HDAC9: variants seen among roughly 807,000 people sequenced by gnomAD.
The protein encoded by HDAC9 is histone deacetylase 9.
In HDAC9, 41 loss-of-function variants were observed where a neutral mutation model predicts 139.4. That is an observed-to-expected ratio of 0.29 (90% CI 0.23 to 0.38). The LOEUF (loss-of-function observed/expected upper bound fraction) is 0.38, where lower values mean the gene tolerates loss of function less well. Ranked by LOEUF, HDAC9 falls within the 10% of genes least tolerant of loss-of-function variation. The pLI is 1.00. For synonymous variants in HDAC9, 517 were observed against 476.2 expected, an observed-to-expected ratio of 1.09 and a Z score of -1.12; for missense variants, 1,147 against 1,297.0, an observed-to-expected ratio of 0.88 and a Z score of 1.78.
At chr7:18,451,659 T>G (rs1792880190) in intron 1 of HDAC9, among the ~76,000 whole-genome samples, 1 of 151,900 alleles carries the variant, frequency 6.6e-6, no homozygotes, top group African/African-American at 2.4e-5. Flanking sequence ...ATGTGGATAT[T>G]ATTTGTATCC....
At chr7:18,374,994 T>C (rs1485739167) in intron 1 of HDAC9, among the ~76,000 whole-genome samples, 1 of 151,980 alleles carries the variant, frequency 6.6e-6, no homozygotes, top group African/African-American at 2.4e-5. Context: ...CATATAGTTA[T>C]GTACAACACA....
chr7:18,623,613 A>T (rs1344925371), intron 6 of HDAC9, among the ~76,000 whole-genome samples: 1 of 152,106 alleles, frequency 6.6e-6, no homozygotes, highest in Non-Finnish European at 1.5e-5. Context: ...ACAGAGATGA[A>T]ATCACTCATT....
At chr7:18,995,218 T>C (rs1786363979) in intron 25 of HDAC9, among the ~76,000 whole-genome samples, 4 of 149,582 alleles carry the variant, frequency 2.7e-5, no homozygotes, top group Admixed American at 2.7e-4. Flanking sequence ...ATGGCAGAGC[T>C]CAGACGCAAA....
intron 2 of HDAC9, among the ~76,000 whole-genome samples, chr7:18,556,518 C>G (rs767762838): frequency 6.6e-6 from 1 of 152,004 alleles, no homozygotes; most frequent in Non-Finnish European, 1.5e-5. Context: ...ATCAAAAATT[C>G]AAAGCGTCTT....
At chr7:18,407,744 A>G (rs1468355109) in intron 1 of HDAC9, among the ~76,000 whole-genome samples, 1 of 152,174 alleles carries the variant, frequency 6.6e-6, no homozygotes, top group Non-Finnish European at 1.5e-5. Context: ...TTCATATGTC[A>G]ATTAAGACTG....
At chr7:18,644,845 C>T in intron 9 of HDAC9, 52 bp downstream of exon 9, 1 of 1,541,614 alleles carries the variant, frequency 6.5e-7, no homozygotes. Flanking sequence ...TATCTTTTCA[C>T]AGGGGAACTC....
chr7:18,090,311 T>C (rs1180574539), intron 1 of HDAC9, among the ~76,000 whole-genome samples: 6 of 152,208 alleles, frequency 3.9e-5, no homozygotes, highest in Non-Finnish European at 8.8e-5. Flanking sequence ...TTTAAAGTGG[T>C]CATCTTTATA....
chr7:18,243,272 C>T (rs761425601), intron 2 of HDAC9, among the ~76,000 whole-genome samples: 8 of 152,180 alleles, frequency 5.3e-5, no homozygotes, highest in Non-Finnish European at 8.8e-5. Flanking sequence ...AATGGTGCTA[C>T]GAAACTATTC....
At chr7:18,950,327 T>G (rs1403798271) in intron 23 of HDAC9, among the ~76,000 whole-genome samples, 1 of 152,082 alleles carries the variant, frequency 6.6e-6, no homozygotes, top group Admixed American at 6.6e-5. Flanking sequence ...TGCCAATGCA[T>G]AGGAGAAAAT....
intron 2 of HDAC9, among the ~76,000 whole-genome samples, chr7:18,563,916 A>C (rs567289996): frequency 6.6e-6 from 1 of 150,814 alleles, no homozygotes; most frequent in East Asian, 2.0e-4. Context: ...GCTGACTGCA[A>C]CCCTGCTGTC....
At chr7:18,629,548 A>T (rs1266583945) in intron 7 of HDAC9, 67 bp downstream of exon 7, 5 of 1,406,136 alleles carry the variant, frequency 3.6e-6, no homozygotes, top group Admixed American at 2.2e-5. Flanking sequence ...GTTTAGAATA[A>T]ATATACCTGC....
intron 17 of HDAC9, among the ~76,000 whole-genome samples, chr7:18,821,122 C>T (rs1197148537): frequency 6.6e-6 from 1 of 152,124 alleles, no homozygotes; most frequent in African/African-American, 2.4e-5. Flanking sequence ...GGGTAGAAGG[C>T]GAAAGGGCAA....
chr7:18,295,577 A>G (rs1297690646), intron 1 of HDAC9, among the ~76,000 whole-genome samples: 2 of 152,162 alleles, frequency 1.3e-5, no homozygotes, highest in Non-Finnish European at 2.9e-5. Context: ...ACATAACTGT[A>G]TGGTATACAA....
At chr7:18,118,438 T>C (rs771907472) in intron 1 of HDAC9, among the ~76,000 whole-genome samples, 82 of 152,226 alleles carry the variant, frequency 5.4e-4, no homozygotes, top group Non-Finnish European at 3.5e-4. Context: ...GTATAGAACA[T>C]AGAAATTTTT....
intron 1 of HDAC9, among the ~76,000 whole-genome samples, chr7:18,477,388 T>C (rs1403880453): frequency 6.6e-6 from 1 of 152,056 alleles, no homozygotes; most frequent in Non-Finnish European, 1.5e-5. Flanking sequence ...TGATCAGTTA[T>C]GTGTGCGTGC....
At chr7:18,361,076 A>G (rs1783738880) in intron 1 of HDAC9, among the ~76,000 whole-genome samples, 1 of 152,132 alleles carries the variant, frequency 6.6e-6, no homozygotes, top group African/African-American at 2.4e-5. Flanking sequence ...GAATTATAAG[A>G]AAGTGCTTTA....
chr7:18,571,460 T>G (rs1238287772), intron 2 of HDAC9, among the ~76,000 whole-genome samples: 1 of 152,222 alleles, frequency 6.6e-6, no homozygotes, highest in Non-Finnish European at 1.5e-5. Context: ...TCTAAAACAT[T>G]TCCACTTTTG....
At chr7:18,853,147 G>A (rs1416206938) in intron 21 of HDAC9, among the ~76,000 whole-genome samples, 4 of 152,262 alleles carry the variant, frequency 2.6e-5, no homozygotes, top group East Asian at 1.9e-4. Context: ...TGTGGTTCAC[G>A]TGTATGGTGT....
intron 1 of HDAC9, among the ~76,000 whole-genome samples, chr7:18,302,360 T>A (rs552008819): frequency 1.3e-5 from 2 of 152,314 alleles, no homozygotes; most frequent in East Asian, 3.9e-4. Context: ...TGATACGAAG[T>A]ATGCAATGTT....
Sources: gnomAD v4.1 joint callset for allele counts (sites outside exome capture counted in the v4.1 genomes callset) on GRCh38, gnomAD v4.1.1 for gene constraint, MANE v1.5 for transcripts, NCBI Gene and HGNC (gene_info 2026-07-23, HGNC 2026-07-21) for gene names.